The following ELP2 variants were observed in gnomAD, a reference collection of about 807,000 sequenced individuals.
ELP2 encodes the protein elongator acetyltransferase complex subunit 2, also known as elongator complex protein 2.
In ELP2, 90 loss-of-function variants were observed where a neutral mutation model predicts 119.2. The observed-to-expected ratio is 0.75, with a 90% confidence interval of 0.64 to 0.90. ELP2 has a LOEUF of 0.90. ELP2 is among the 40% of genes least tolerant of loss of function. The probability of loss-of-function intolerance (pLI) is 0.00; values close to 1 mark genes in which losing one functional copy is unlikely to be tolerated. For synonymous variants in ELP2, 339 were observed against 331.0 expected (o/e 1.02, Z -0.26); for missense variants, 921 against 967.8 (o/e 0.95, Z 0.64).
intron 21 of ELP2, among the ~76,000 whole-genome samples, chr18:36,172,900 T>C (rs1218946979): frequency 6.6e-6 from 1 of 152,234 alleles, no homozygotes; most frequent in Non-Finnish European, 1.5e-5. Flanking sequence ...ACATATATTA[T>C]TTGGATTGCT....
intron 5 of ELP2, among the ~76,000 whole-genome samples, chr18:36,140,219 G>A (rs779909379): frequency 6.6e-6 from 1 of 152,202 alleles, no homozygotes; most frequent in Non-Finnish European, 1.5e-5. Flanking sequence ...AGGCTGGAGT[G>A]CAGTGGCGCC....
At chr18:36,153,370 C>T (rs539224252) in intron 11 of ELP2, among the ~76,000 whole-genome samples, 23 of 152,296 alleles carry the variant, frequency 1.5e-4, no homozygotes, top group African/African-American at 5.3e-4. Context: ...CCAAACCACA[C>T]GATTCCGTGA....
At chr18:36,166,319 G>GTTTTTTTTTTTTTTTTTTT (rs60477950) in intron 18 of ELP2, among the ~76,000 whole-genome samples, 2 of 71,650 alleles carry the variant, frequency 2.8e-5, no homozygotes, top group African/African-American at 1.1e-4. Flanking sequence ...GTTTTTTAGG[G>GTTTTTTTTTTTTTTTTTTT]TTTTTTTTTT....
At chr18:36,138,180 T>A in intron 3 of ELP2, 90 bp from the exon 4 acceptor site, 1 of 1,403,286 alleles carries the variant, frequency 7.1e-7, no homozygotes, top group South Asian at 1.2e-5. Flanking sequence ...TATTTCTGGC[T>A]CAGCCATTTT....
Position 36,133,218 on chromosome 18 carries a change from CTG to C in ELP2, c.139-18_139-17del, listed in dbSNP as rs773508864. The C allele has an allele frequency of 1.3e-6, 2 of 1,553,038 alleles. No homozygotes were observed. Among genetic ancestry groups the C allele is most frequent in the Non-Finnish European group, 1.8e-6 (2 of 1,124,646 alleles). ...TGTAGGATAAATTCCAGTTTACTAA[CTG>C]TATTTTCTTCTCTAAAGAAAAGGGT... On this transcript the variant is annotated intron_variant, in intron 1 of 21. Transcript: ENST00000358232.
At position 36,160,961 on chromosome 18, in the gene ELP2, T is replaced by C. The variant is rs1355705158; in HGVS notation, c.1718T>C (p.Val573Ala). Residue 573 changes from valine (V) to alanine (A), a missense_variant, in exon 17 of 22, where the codon GTT (valine) becomes GCT (alanine). Val to Ala is a moderately conservative substitution (Grantham distance 64). Transcript: ENST00000358232. ...LYGHGYEIFC[V>A]TCNSSKTLLA... ...GGGCACGGTTATGAAATATTTTGTG[T>C]TACTTGTAACAGTTCAAAGACTCTG... is the stretch of plus-strand genomic sequence containing the variant. 3.1e-6 allele frequency: 5 copies of C among 1,613,578 alleles called. No individual in the cohort carries two copies. In the Admixed American group the frequency reaches 8.3e-5, roughly 27 times the overall value.
chr18:36,168,619 G>T (rs1364946245), intron 19 of ELP2, among the ~76,000 whole-genome samples: 2 of 152,060 alleles, frequency 1.3e-5, no homozygotes, highest in South Asian at 4.1e-4. Flanking sequence ...GGAGGTAACC[G>T]CCCCCATGAT....
At chr18:36,155,704 A>T (rs901178653) in intron 12 of ELP2, among the ~76,000 whole-genome samples, 3 of 152,076 alleles carry the variant, frequency 2.0e-5, no homozygotes, top group African/African-American at 7.2e-5. Context: ...ATGCCCAGCT[A>T]ATTTTTAGAT....
At chr18:36,172,752 G>A (rs1157979573) in intron 21 of ELP2, among the ~76,000 whole-genome samples, 1 of 152,206 alleles carries the variant, frequency 6.6e-6, no homozygotes, top group African/African-American at 2.4e-5. Context: ...CACCATGTGG[G>A]ACACTGGTGG....
intron 13 of ELP2, 34 bp downstream of exon 13, chr18:36,156,688 A>G (rs761822836): frequency 3.0e-5 from 47 of 1,583,524 alleles, no homozygotes; most frequent in Non-Finnish European, 3.8e-5. Flanking sequence ...ACCTAAATCT[A>G]GTCACTTCAT....
At position 36,178,644 on chromosome 18, in the gene ELP2, T is replaced by C. The variant is rs1241507651; in HGVS notation, c.*4003T>C. The C allele has an allele frequency of 1.3e-5, 2 of 151,546 alleles. No homozygotes were observed. The highest frequency in any genetic ancestry group is 6.6e-5 in the Admixed American group (1 of 15,242). 9.4% of individuals were successfully genotyped at this position (151,546 alleles called of 1,614,324 possible). A position where few individuals can be genotyped will look rare whatever the true frequency, so the allele number is the denominator to read the frequency against. On this transcript the variant is annotated 3_prime_UTR_variant, in exon 22 of 22. Coordinates refer to ENST00000358232, the MANE Select transcript of ELP2 (RefSeq NM_018255.4). ...TGATTGGTTTTGTTTTTTTTTTCTC[T>C]AGAGACTGGGTTTTGCAGTGTTACC...
Position 36,174,984 on chromosome 18 carries a change from C to A in ELP2, c.*343C>A, listed in dbSNP as rs1039739875. 4 of 291,742 alleles carry A rather than the reference C, an allele frequency of 1.4e-5. No individual in the cohort carries two copies. The highest frequency in any genetic ancestry group is 2.2e-5 in the African/African-American group (1 of 45,814). 18.1% of individuals were successfully genotyped at this position (291,742 alleles called of 1,614,324 possible). A position where few individuals can be genotyped will look rare whatever the true frequency, so the allele number is the denominator to read the frequency against. On this transcript the variant is annotated 3_prime_UTR_variant, in exon 22 of 22. Transcript: ENST00000358232. ...CTGGGATTACAGGCGTGAGCCACTG[C>A]GCCCAGCCTGAGTTTCATTTTTTAA...
intron 6 of ELP2, among the ~76,000 whole-genome samples, chr18:36,141,580 G>A (rs2090030167): frequency 1.3e-5 from 2 of 152,198 alleles, no homozygotes; most frequent in South Asian, 4.1e-4. Flanking sequence ...AACTAAAGGA[G>A]AGAAATTTAG....
rs772235258 is a variant in ELP2, at chr18:36,130,083, C to G, written c.138+12C>G. On this transcript the variant is annotated intron_variant, in intron 1 of 21. Coordinates refer to ENST00000358232, the MANE Select transcript of ELP2 (RefSeq NM_018255.4). ...TCTATGACCCCCTGGTAAGAGAGGT[C>G]GCTGGACGGCCGACCCTTGTGCTTT... 1 of 1,614,036 alleles carries G rather than the reference C, an allele frequency of 6.2e-7. No homozygotes were observed. The highest frequency in any genetic ancestry group is 8.5e-7 in the Non-Finnish European group (1 of 1,180,018).
chr18:36,167,018 A>T, intron 18 of ELP2, 83 bp from the exon 19 acceptor site: 1 of 1,415,006 alleles, frequency 7.1e-7, no homozygotes. Flanking sequence ...CATATGGTGT[A>T]TATGGCACTT....
chr18:36,134,964 G>A (rs915340000), intron 2 of ELP2, among the ~76,000 whole-genome samples: 3 of 152,248 alleles, frequency 2.0e-5, no homozygotes, highest in South Asian at 2.1e-4. Flanking sequence ...TATAAATGAT[G>A]TTTAAAAAAG....
At chr18:36,164,351 A>T in intron 17 of ELP2, 124 bp from the exon 18 acceptor site, 2 of 871,194 alleles carry the variant, frequency 2.3e-6, no homozygotes, top group South Asian at 1.4e-5. Flanking sequence ...TCTCCTAGGA[A>T]TTTTTTTTGG....
At chr18:36,157,003 G>A (rs778781166) in intron 13 of ELP2, among the ~76,000 whole-genome samples, 11 of 152,136 alleles carry the variant, frequency 7.2e-5, no homozygotes, top group Non-Finnish European at 1.3e-4. Context: ...TAGGGGTAGA[G>A]GTAGGGGGCA....
rs764265141 is a variant in ELP2 at position 36,156,471 on chromosome 18, T to A, written c.1281T>A (p.Thr427=). 1 of 1,614,108 alleles carries A rather than the reference T, an allele frequency of 6.2e-7. No individual in the cohort carries two copies. The highest frequency in any genetic ancestry group is 1.7e-5 in the Admixed American group (1 of 60,026). The stretch of plus-strand genomic sequence containing the variant: ...GTTTATCCCGTTTTACCCAGGTGAC[T>A]TGGCATGAAATTGCAAGGCCTCAGA... ...PWKRKDQSQV[T]WHEIARPQIH... Residue 427 remains threonine, a synonymous_variant, in exon 13 of 22, where the codon ACT becomes ACA. Coordinates refer to ENST00000358232, the MANE Select transcript of ELP2 (RefSeq NM_018255.4).
Sources: gnomAD v4.1 joint callset for allele counts (sites outside exome capture counted in the v4.1 genomes callset) on GRCh38, gnomAD v4.1.1 for gene constraint, MANE v1.5 for transcripts, NCBI Gene and HGNC (gene_info 2026-07-23, HGNC 2026-07-21) for gene names.